MYO9B: variants seen among roughly 807,000 people sequenced by gnomAD.
MYO9B encodes myosin IXB.
A neutral mutation model predicts 229.5 loss-of-function variants in MYO9B; 71 were observed. The observed-to-expected ratio is 0.31, with a 90% CI of 0.26 to 0.38. MYO9B has a LOEUF of 0.38. Ranked by LOEUF, MYO9B falls within the 10% of genes least tolerant of loss-of-function variation. The pLI is 1.00. For missense variants in MYO9B, 2,255 were observed against 2,920.5 expected (o/e 0.77, Z 5.25); for synonymous variants, 1,185 against 1,235.8 (o/e 0.96, Z 0.86).
chr19:17,141,623 T>A (rs1484627386), intron 2 of MYO9B, among the ~76,000 whole-genome samples: 2 of 150,076 alleles, frequency 1.3e-5, no homozygotes, highest in African/African-American at 4.9e-5. Context: ...TCTTCTCAGC[T>A]TCTCTGTCCT....
chr19:17,165,951 G>A (rs574026835), intron 10 of MYO9B, among the ~76,000 whole-genome samples: 2 of 152,092 alleles, frequency 1.3e-5, no homozygotes, highest in Non-Finnish European at 2.9e-5. Flanking sequence ...TTCACATCAC[G>A]ACTGTTAGTT....
intron 23 of MYO9B, 148 bp from the exon 24 acceptor site, chr19:17,198,036 T>A: frequency 7.3e-7 from 1 of 1,361,176 alleles, no homozygotes; most frequent in South Asian, 1.4e-5. Context: ...CACTCCAGCC[T>A]GGGCAACTAG....
intron 2 of MYO9B, among the ~76,000 whole-genome samples, chr19:17,110,072 C>T (rs1435567960): frequency 6.6e-6 from 1 of 152,118 alleles, no homozygotes; most frequent in African/African-American, 2.4e-5. Context: ...TGCAGAAAGC[C>T]GGAGATCAGC....
In MYO9B at chr19:17,101,595, C is replaced by A; in HGVS notation, c.-58-65C>A. The A allele has an allele frequency of 6.5e-6, 9 of 1,394,028 alleles. No individual in the cohort carries two copies. Among genetic ancestry groups the A allele is most frequent in the Non-Finnish European group, 8.5e-6 (9 of 1,061,862 alleles). The allele number at this position is 1,394,028 out of a possible 1,614,324, so 86.4% of individuals were successfully genotyped here. A position where few individuals can be genotyped will look rare whatever the true frequency, so the allele number is the denominator to read the frequency against. ...AGGTGCTATCTGCCCAGGAGTGGGACTCCACATGCCCCTTAAACTTCCTCC... is the reference window on the plus strand; with the variant it reads ...AGGTGCTATCTGCCCAGGAGTGGGAATCCACATGCCCCTTAAACTTCCTCC... On this transcript the variant is annotated intron_variant, in intron 1 of 39. Transcript: ENST00000682292. This position sits in a 1 kb window ranked among gnomAD's most constrained non-coding sequence, Gnocchi z 4.7.
At position 17,110,200 on chromosome 19, in the gene MYO9B, G is replaced by A. The variant is rs558610391; in HGVS notation, c.840+7643G>A. Among the ~76,000 whole-genome samples, 4 of 152,338 alleles carry A rather than the reference G, an allele frequency of 2.6e-5. No individual in the cohort carries two copies. In the South Asian group the frequency reaches 6.2e-4, roughly 24 times the overall value. The stretch of plus-strand genomic sequence containing the variant: ...CTGACCCCCGCCCCCCGCGAGGGTT[G>A]CAGCCTCGCTGTGTAATGCTGACCA... On this transcript the variant is annotated intron_variant, in intron 2 of 39. Transcript: ENST00000682292.
chr19:17,177,254 A>G (rs1157659112), intron 14 of MYO9B, among the ~76,000 whole-genome samples: 1 of 150,560 alleles, frequency 6.6e-6, no homozygotes, highest in African/African-American at 2.4e-5. Flanking sequence ...ACAAGTAAGG[A>G]GAATGCATTC....
At chr19:17,162,944 G>A (rs897180166) in intron 9 of MYO9B, 44 bp from the exon 10 acceptor site, 26 of 1,589,700 alleles carry the variant, frequency 1.6e-5, no homozygotes, top group African/African-American at 1.2e-4. Context: ...TGGCTCCCTC[G>A]GGGTGCACCT....
rs539373195 is a variant in MYO9B, at chr19:17,175,622, G to A, written c.2141-41G>A. The stretch of plus-strand genomic sequence containing the variant: ...GGTTAAAATAATTGCAGCCTCCATA[G>A]GAGGCCATCCCCACCACCATCCACT... On this transcript the variant is annotated intron_variant, in intron 13 of 39. Transcript: ENST00000682292. 95 of 1,469,234 alleles carry A rather than the reference G, an allele frequency of 6.5e-5. No individual in the cohort carries two copies. In the African/African-American group the frequency reaches 1.3e-3, roughly 20 times the overall value. 91.0% of individuals were successfully genotyped at this position (1,469,234 alleles called of 1,614,324 possible). A position where few individuals can be genotyped will look rare whatever the true frequency, so the allele number is the denominator to read the frequency against.
chr19:17,168,197 C>A, intron 11 of MYO9B, 133 bp downstream of exon 11: 2 of 1,251,022 alleles, frequency 1.6e-6, no homozygotes, highest in Non-Finnish European at 2.2e-6. Context: ...CAGGGTCTCA[C>A]TCTGTCACCC....
rs374922517 is a variant in MYO9B at position 17,200,664 on chromosome 19, C to T, written c.4398C>T (p.His1466=). ...LEAPSGQQHR[H]AAGEKRTKEP... ...CCCCCTCCGGACAGCAGCATCGCCA[C>T]GCTGCAGGTGAGAAGCGCACCAAGG... Residue 1466 remains histidine (H), a synonymous_variant, in exon 26 of 40, where the codon CAC becomes CAT. Transcript: ENST00000682292. The T allele has an allele frequency of 6.2e-6, 10 of 1,613,840 alleles. No individual in the cohort carries two copies. The highest frequency in any genetic ancestry group is 1.7e-5 in the Admixed American group (1 of 60,010).
Position 17,210,366 on chromosome 19 carries a change from T to C in MYO9B, c.5782T>C (p.Tyr1928His), listed in dbSNP as rs1319593218. The change falls in exon 37 of 40, where the codon TAT becomes CAT. Residue 1928 changes from tyrosine to histidine, a missense_variant. By Grantham distance (83) the Tyr-to-His change is moderately conservative. Coordinates refer to ENST00000682292, the MANE Select transcript of MYO9B (RefSeq NM_004145.4). ...WPLKLGFSSP[Y>H]EGVLNKSPKT... is the part of the protein sequence containing the mutation. The stretch of plus-strand genomic sequence containing the variant: ...TCTCAAACTGGGGTTTTCGTCTCCC[T>C]ATGAGGGGGTCCTGGTATGTACGCG... 2 of 1,598,544 alleles carry C rather than the reference T, an allele frequency of 1.3e-6. No homozygotes were observed. Among genetic ancestry groups the C allele is most frequent in the Admixed American group, 1.7e-5 (1 of 57,906 alleles).
rs1347788983 is a variant in MYO9B, at chr19:17,193,786, G to A, written c.3128+724G>A. Among the ~76,000 whole-genome samples, 1 of 152,190 alleles carries A rather than the reference G, an allele frequency of 6.6e-6. No individual in the cohort carries two copies. Among genetic ancestry groups the A allele is most frequent in the Admixed American group, 6.5e-5 (1 of 15,274 alleles). ...CCAGCTATTCAGGAAGCTGAGGTGG[G>A]AGGATCACCTGGGCCTGGGATGTCG... is the stretch of plus-strand genomic sequence containing the variant. On this transcript the variant is annotated intron_variant, in intron 21 of 39. Coordinates refer to ENST00000682292, the MANE Select transcript of MYO9B (RefSeq NM_004145.4). The surrounding 1 kb of genome is among the most constrained non-coding windows in gnomAD (Gnocchi z 4.3).
intron 2 of MYO9B, among the ~76,000 whole-genome samples, chr19:17,127,565 G>GGAGGTCA (rs1217460108): frequency 6.6e-6 from 1 of 152,210 alleles, no homozygotes; most frequent in African/African-American, 2.4e-5. Flanking sequence ...CTGACCTCAA[G>GGAGGTCA]TGATCCGCCC....
In MYO9B at chr19:17,131,137, C is replaced by T. The variant is rs576029189; in HGVS notation, c.841-14260C>T. ...GTAATTTTCCATCCACTGACCCCCA[C>T]CCTGCTCCTTGGTTATAAAGTCCCG... On this transcript the variant is annotated intron_variant, in intron 2 of 39. Transcript: ENST00000682292. Among the ~76,000 whole-genome samples the T allele has an allele frequency of 1.8e-3, 270 of 152,340 alleles. 2 individuals carry two copies. Among genetic ancestry groups the T allele is most frequent in the Admixed American group, 4.5e-3 (69 of 15,286 alleles).
chr19:17,141,711 G>C (rs545556871), intron 2 of MYO9B, among the ~76,000 whole-genome samples: 15 of 152,168 alleles, frequency 9.9e-5, no homozygotes, highest in Non-Finnish European at 2.1e-4. Flanking sequence ...TCCCTCATGG[G>C]AAGGGGGCAC....
chr19:17,173,008 G>T, intron 13 of MYO9B, 45 bp downstream of exon 13: 5 of 1,582,496 alleles, frequency 3.2e-6, no homozygotes, highest in Non-Finnish European at 4.3e-6. Context: ...CTGTCGAGAG[G>T]GGGGCACATC....
Position 17,211,929 on chromosome 19 carries a change from G to A in MYO9B, c.6093G>A (p.Ala2031=), listed in dbSNP as rs376729646. The stretch of plus-strand genomic sequence containing the variant: ...CGCCTGCTCTCCCTTGCCCCGGCGC[G>A]CCCACCCCGAGCCCCCTCCCCACCG... ...PPAPALPCPG[A]PTPSPLPTVA... is the part of the protein sequence containing the mutation. The change falls in exon 40 of 40, where the codon GCG becomes GCA. Residue 2031 remains alanine, a synonymous_variant. Transcript: ENST00000682292. The A allele has an allele frequency of 1.5e-4, 234 of 1,552,458 alleles. No homozygotes were observed. In the African/African-American group the frequency reaches 2.7e-3, roughly 18 times the overall value.
chr19:17,162,774 G>T (rs2072617942), intron 9 of MYO9B, among the ~76,000 whole-genome samples: 1 of 152,116 alleles, frequency 6.6e-6, no homozygotes, highest in South Asian at 2.1e-4. Flanking sequence ...AGTGAGCTGT[G>T]GTGGCGCCAC....
In MYO9B at chr19:17,199,304, G is replaced by A. The variant is rs79193692; in HGVS notation, c.4239-989G>A. On this transcript the variant is annotated intron_variant, in intron 24 of 39. Coordinates refer to ENST00000682292, the MANE Select transcript of MYO9B (RefSeq NM_004145.4). ...AGGCTGAGGTGAGAGGATCATGCTC[G>A]TGAGGCCAGGAGTTTGAGGCTGTAG... is the stretch of plus-strand genomic sequence containing the variant. 7.2e-5 allele frequency among the ~76,000 whole-genome samples: 11 copies of A among 151,970 alleles called. No homozygotes were observed. In the South Asian group the frequency reaches 1.9e-3, roughly 26 times the overall value.
Sources: allele counts gnomAD v4.1 joint callset (sites outside exome capture counted in the v4.1 genomes callset), GRCh38; gene constraint gnomAD v4.1.1; non-coding constraint Gnocchi (gnomAD v3.1); transcripts MANE v1.5; gene names NCBI Gene and HGNC (gene_info 2026-07-23, HGNC 2026-07-21).